The following DCBLD1 variants were observed in gnomAD, a reference collection of about 807,000 sequenced individuals.
DCBLD1 encodes discoidin, CUB and LCCL domain-containing protein 1.
A neutral mutation model predicts 71.5 loss-of-function variants in DCBLD1; 57 were observed. That is an observed-to-expected ratio of 0.80 (90% CI 0.64 to 0.99). DCBLD1 has a LOEUF of 0.99. Among genes scored for constraint, DCBLD1 ranks in the 50% least tolerant of loss-of-function variants. DCBLD1 has a pLI of 0.00. For missense variants in DCBLD1, 891 were observed against 923.5 expected, an observed-to-expected ratio of 0.96 and a Z score of 0.46; for synonymous variants, 380 against 363.8, an observed-to-expected ratio of 1.04 and a Z score of -0.51.
intron 1 of DCBLD1, among the ~76,000 whole-genome samples, chr6:117,488,599 G>C (rs888702199): frequency 6.6e-6 from 1 of 152,158 alleles, no homozygotes. Context: ...GAGCTGTGAT[G>C]CTGCCACCGT....
intron 1 of DCBLD1, among the ~76,000 whole-genome samples, chr6:117,492,520 G>A (rs1582963987): frequency 6.6e-6 from 1 of 152,270 alleles, no homozygotes; most frequent in Admixed American, 6.5e-5. Context: ...CACAGTTTGA[G>A]GGAGTTACTT....
In DCBLD1 at chr6:117,548,273, C is replaced by T. The variant is rs765108396; in HGVS notation, c.1982C>T (p.Ala661Val). 34 of 1,550,636 alleles carry T rather than the reference C, an allele frequency of 2.2e-5. No homozygotes were observed. Among genetic ancestry groups the T allele is most frequent in the Non-Finnish European group, 7.0e-6 (8 of 1,146,988 alleles). The stretch of plus-strand genomic sequence containing the variant: ...CAAAGGCCACACAGCGCACAGCCTG[C>T]GGACAGGGGCTACGACCGGCCCAAA... ...DYQRPHSAQP[A>V]DRGYDRPKAV... Residue 661 changes from alanine (A) to valine (V), a missense_variant, in exon 15 of 15, where the codon GCG becomes GTG. Physicochemically the swap from Ala to Val is moderately conservative, Grantham distance 64. Transcript: ENST00000338728.
intron 1 of DCBLD1, among the ~76,000 whole-genome samples, chr6:117,491,286 G>T (rs913208582): frequency 2.6e-5 from 4 of 152,120 alleles, no homozygotes; most frequent in African/African-American, 7.2e-5. Flanking sequence ...TAGAATGGAG[G>T]CTGCTTATTT....
downstream of DCBLD1, chr6:117,549,823 C>T (rs528180417): frequency 4.1e-6 from 4 of 985,270 alleles, no homozygotes; most frequent in African/African-American, 7.0e-5. Flanking sequence ...ACTAGTCAGC[C>T]CTGCTCGCTG....
intron 6 of DCBLD1, among the ~76,000 whole-genome samples, chr6:117,534,123 T>A (rs1778810439): frequency 6.6e-6 from 1 of 152,220 alleles, no homozygotes; most frequent in African/African-American, 2.4e-5. Flanking sequence ...CACAAAGTAT[T>A]CTTTTCATAT....
At chr6:117,507,363 A>G (rs1457824312) in intron 2 of DCBLD1, among the ~76,000 whole-genome samples, 1 of 152,208 alleles carries the variant, frequency 6.6e-6, no homozygotes, top group Non-Finnish European at 1.5e-5. Context: ...ACTGTTTCCT[A>G]ATACAGACAA....
At chr6:117,537,548 G>A (rs1370698664) in intron 7 of DCBLD1, among the ~76,000 whole-genome samples, 13 of 141,522 alleles carry the variant, frequency 9.2e-5, no homozygotes, top group South Asian at 4.9e-4. Context: ...AAAAAAAAAA[G>A]AATTTGATAT....
In DCBLD1 at chr6:117,539,194, T is replaced by C. The variant is rs566743659; in HGVS notation, c.977-61T>C. ...GAGAAAAAAATGAAACTTGAAATTA[T>C]AATAGATGTTATATTTAACAAACTT... On this transcript the variant is annotated intron_variant, in intron 8 of 14. Coordinates refer to ENST00000338728, the MANE Select transcript of DCBLD1 (RefSeq NM_001366458.2). 14 of 1,382,820 alleles carry C rather than the reference T, an allele frequency of 1.0e-5. No homozygotes were observed. In the African/African-American group the frequency reaches 2.1e-4, roughly 20 times the overall value. 85.7% of individuals were successfully genotyped at this position (1,382,820 alleles called of 1,614,324 possible).
chr6:117,485,056 G>T (rs1777040668), intron 1 of DCBLD1: 1 of 152,184 alleles, frequency 6.6e-6, no homozygotes, highest in Admixed American at 6.5e-5. Flanking sequence ...TATTTACATA[G>T]ATTGTTTCAC....
At chr6:117,539,072 G>C (rs990451384) in intron 8 of DCBLD1, 183 bp from the exon 9 acceptor site, 6 of 693,920 alleles carry the variant, frequency 8.6e-6, no homozygotes, top group Non-Finnish European at 1.4e-5. Context: ...ATCTTTATAT[G>C]GTGTATTGTC....
intron 2 of DCBLD1, among the ~76,000 whole-genome samples, chr6:117,518,099 C>A (rs1778264153): frequency 1.3e-5 from 2 of 152,304 alleles, no homozygotes; most frequent in Admixed American, 6.5e-5. Flanking sequence ...AACTGAATGC[C>A]TTTAACAGTA....
At chr6:117,492,211 A>C (rs538705222) in intron 1 of DCBLD1, among the ~76,000 whole-genome samples, 13 of 152,234 alleles carry the variant, frequency 8.5e-5, no homozygotes, top group Non-Finnish European at 1.9e-4. Flanking sequence ...TTGCTTGTCC[A>C]GTCTGATTTT....
intron 14 of DCBLD1, chr6:117,561,394 ATCCCAGGCTG>A (rs2114595134): frequency 4.5e-6 from 1 of 224,436 alleles, no homozygotes; most frequent in East Asian, 6.4e-5. Context: ...TGGCCATTCC[ATCCCAGGCTG>A]TGTTTTAAGA....
intron 14 of DCBLD1, among the ~76,000 whole-genome samples, chr6:117,558,581 T>C (rs1779526262): frequency 6.6e-6 from 1 of 152,122 alleles, no homozygotes; most frequent in Non-Finnish European, 1.5e-5. Context: ...TTACAGAGAA[T>C]ATAAAGCAAA....
intron 1 of DCBLD1, among the ~76,000 whole-genome samples, chr6:117,503,293 A>G (rs914870691): frequency 1.3e-5 from 2 of 152,230 alleles, no homozygotes; most frequent in Non-Finnish European, 2.9e-5. Flanking sequence ...ACTTGTAGCT[A>G]AACAAAGTTA....
At chr6:117,525,143 A>C (rs958026126) in intron 4 of DCBLD1, among the ~76,000 whole-genome samples, 1 of 152,190 alleles carries the variant, frequency 6.6e-6, no homozygotes, top group African/African-American at 2.4e-5. Context: ...AATAGACTTT[A>C]TGGTGAATCC....
intron 1 of DCBLD1, among the ~76,000 whole-genome samples, chr6:117,500,380 G>A (rs1327250024): frequency 6.6e-6 from 1 of 152,156 alleles, no homozygotes; most frequent in Admixed American, 6.5e-5. Flanking sequence ...AAGACTCATG[G>A]GGTTTTGTTC....
chr6:117,538,520 T>A (rs567568329), intron 7 of DCBLD1, 100 bp from the exon 8 acceptor site: 1 of 1,117,564 alleles, frequency 8.9e-7, no homozygotes, highest in South Asian at 1.5e-5. Context: ...AGAATAAAAG[T>A]CAACTAGTTG....
chr6:117,558,340 TCTG>T (rs1446340209), intron 14 of DCBLD1, among the ~76,000 whole-genome samples: 1 of 152,212 alleles, frequency 6.6e-6, no homozygotes, highest in Non-Finnish European at 1.5e-5. Context: ...ACCGGCCAAC[TCTG>T]CTATTCTTGT....
Sources: gnomAD v4.1 joint callset for allele counts (sites outside exome capture counted in the v4.1 genomes callset) on GRCh38, gnomAD v4.1.1 for gene constraint, MANE v1.5 for transcripts, NCBI Gene and HGNC (gene_info 2026-07-23, HGNC 2026-07-21) for gene names.